SGCZ: variants seen among roughly 807,000 people sequenced by gnomAD.
SGCZ encodes the protein zeta-sarcoglycan.
Under a neutral mutation model 41.3 loss-of-function variants are expected in SGCZ, and 40 were observed. The ratio of observed to expected loss-of-function variants is 0.97; its 90% CI spans 0.75 to 1.26. The LOEUF is 1.26. SGCZ is among the 50% of genes most tolerant of loss of function. The pLI, the probability that SGCZ is intolerant of heterozygous loss-of-function variation, is 0.00. For synonymous variants in SGCZ, 206 were observed against 137.5 expected, an observed-to-expected ratio of 1.50 and a Z score of -3.49; for missense variants, 552 against 369.8, an observed-to-expected ratio of 1.49 and a Z score of -4.04.
intron 1 of SGCZ, among the ~76,000 whole-genome samples, chr8:15,096,609 T>C (rs1303036717): frequency 6.6e-6 from 1 of 152,192 alleles, no homozygotes; most frequent in Non-Finnish European, 1.5e-5. Context: ...TCTTATTTCT[T>C]CCCAGATAAA....
intron 3 of SGCZ, among the ~76,000 whole-genome samples, chr8:14,286,225 G>T (rs925836757): frequency 3.4e-4 from 52 of 152,064 alleles, no homozygotes; most frequent in African/African-American, 1.0e-3. Flanking sequence ...TCCTTGAAGT[G>T]ACTTTGTCTA....
chr8:14,489,395 T>C (rs998964146), intron 2 of SGCZ, among the ~76,000 whole-genome samples: 1 of 151,926 alleles, frequency 6.6e-6, no homozygotes, highest in East Asian at 1.9e-4. Context: ...ACATTATAAA[T>C]ATAATTCAAA....
chr8:14,613,953 G>T (rs1342638834), intron 1 of SGCZ, among the ~76,000 whole-genome samples: 1 of 152,130 alleles, frequency 6.6e-6, no homozygotes, highest in African/African-American at 2.4e-5. Context: ...GTGATTTATA[G>T]ATGACATGAC....
chr8:15,006,667 A>G (rs1365463196), intron 1 of SGCZ, among the ~76,000 whole-genome samples: 1 of 152,208 alleles, frequency 6.6e-6, no homozygotes, highest in Non-Finnish European at 1.5e-5. Context: ...AACTGGTACT[A>G]CTGGTAATCC....
intron 1 of SGCZ, among the ~76,000 whole-genome samples, chr8:14,831,575 C>G (rs1188186424): frequency 6.6e-6 from 1 of 151,764 alleles, no homozygotes; most frequent in Non-Finnish European, 1.5e-5. Context: ...TTAAGTTTCT[C>G]CTAAACATGT....
At chr8:14,670,688 A>G (rs1293570823) in intron 1 of SGCZ, among the ~76,000 whole-genome samples, 1 of 152,304 alleles carries the variant, frequency 6.6e-6, no homozygotes, top group African/African-American at 2.4e-5. Context: ...AGCACTCTCA[A>G]TGGTCCAAGT....
At chr8:14,267,760 T>C (rs1019426388) in intron 3 of SGCZ, among the ~76,000 whole-genome samples, 1 of 152,080 alleles carries the variant, frequency 6.6e-6, no homozygotes, top group African/African-American at 2.4e-5. Context: ...GGCTCATTGA[T>C]CTAAAATGCT....
chr8:14,445,697 A>G (rs979667196), intron 2 of SGCZ, among the ~76,000 whole-genome samples: 1 of 152,174 alleles, frequency 6.6e-6, no homozygotes, highest in African/African-American at 2.4e-5. Flanking sequence ...CAAAAATGCT[A>G]TCACACCAAC....
chr8:14,991,651 G>A (rs1802018692), intron 1 of SGCZ, among the ~76,000 whole-genome samples: 2 of 152,044 alleles, frequency 1.3e-5, no homozygotes, highest in South Asian at 2.1e-4. Context: ...GTTAGTGCAA[G>A]GAAACTAGTG....
chr8:14,479,485 C>T (rs1801460752), intron 2 of SGCZ, among the ~76,000 whole-genome samples: 1 of 152,176 alleles, frequency 6.6e-6, no homozygotes, highest in Non-Finnish European at 1.5e-5. Flanking sequence ...GCCATACCCT[C>T]ACAGACACAT....
At chr8:14,230,130 T>C (rs748801915) in intron 4 of SGCZ, among the ~76,000 whole-genome samples, 31 of 152,084 alleles carry the variant, frequency 2.0e-4, no homozygotes, top group African/African-American at 6.0e-4. Flanking sequence ...TAATTGAATA[T>C]TGAGGAACGT....
At chr8:14,876,178 A>G (rs1284293926) in intron 1 of SGCZ, among the ~76,000 whole-genome samples, 1 of 152,186 alleles carries the variant, frequency 6.6e-6, no homozygotes, top group African/African-American at 2.4e-5. Context: ...GAGCACACTC[A>G]ATACATTGCC....
Position 14,123,782 on chromosome 8 carries a change from T to G in SGCZ, c.548-15547A>C, listed in dbSNP as rs933839369. Among the ~76,000 whole-genome samples the G allele has an allele frequency of 2.0e-5, 3 of 152,252 alleles. No homozygotes were observed. In the East Asian group the frequency reaches 5.8e-4, roughly 29 times the overall value. On this transcript the variant is annotated intron_variant, in intron 5 of 7. Coordinates refer to ENST00000382080, the MANE Select transcript of SGCZ (RefSeq NM_139167.4). ...TCTCCATCCTAATCCCTGAAACCTG[T>G]GAATATGTCACAGTTAACAGGCAAA...
At chr8:14,305,288 C>T (rs919708835) in intron 3 of SGCZ, among the ~76,000 whole-genome samples, 1 of 152,044 alleles carries the variant, frequency 6.6e-6, no homozygotes, top group African/African-American at 2.4e-5. Flanking sequence ...TTACAATTAA[C>T]ATTAATGCCA....
At chr8:14,101,339 T>G (rs1399637751) in intron 7 of SGCZ, among the ~76,000 whole-genome samples, 1 of 80,714 alleles carries the variant, frequency 1.2e-5, no homozygotes, top group East Asian at 2.9e-4. Context: ...TCTTCAGAGT[T>G]TCAGAAAAAG....
chr8:15,090,299 G>T (rs1806109698), intron 1 of SGCZ, among the ~76,000 whole-genome samples: 1 of 152,176 alleles, frequency 6.6e-6, no homozygotes, highest in Admixed American at 6.5e-5. Flanking sequence ...AAACCATACT[G>T]CTTAATCTTT....
intron 4 of SGCZ, among the ~76,000 whole-genome samples, chr8:14,193,251 T>C (rs1164090831): frequency 6.6e-6 from 1 of 151,934 alleles, no homozygotes; most frequent in Non-Finnish European, 1.5e-5. Flanking sequence ...AATAATTTTG[T>C]TATTTGTGAT....
At chr8:14,973,638 A>G (rs888884792) in intron 1 of SGCZ, among the ~76,000 whole-genome samples, 1 of 152,218 alleles carries the variant, frequency 6.6e-6, no homozygotes, top group African/African-American at 2.4e-5. Flanking sequence ...AGTGTCCCAC[A>G]ATCAAAAGCT....
chr8:14,669,357 C>CTAAGTAAGTAAGTAAG (rs75686503), intron 1 of SGCZ, among the ~76,000 whole-genome samples: 6,131 of 146,508 alleles, frequency 0.042, 156 homozygotes, highest in African/African-American at 0.056. Context: ...GACCCTGTCT[C>CTAAGTAAGTAAGTAAG]TAAGTAAGTA....
Sources: allele counts gnomAD v4.1 joint callset (sites outside exome capture counted in the v4.1 genomes callset), GRCh38; gene constraint gnomAD v4.1.1; transcripts MANE v1.5; gene names NCBI Gene and HGNC (gene_info 2026-07-23, HGNC 2026-07-21).